The following CUL4A variants were observed in gnomAD, a reference collection of about 807,000 sequenced individuals.
CUL4A encodes cullin 4A, also known as cullin-4A.
Under a neutral mutation model 95.5 loss-of-function variants are expected in CUL4A, and 16 were observed. That is an observed-to-expected ratio of 0.17 (90% confidence interval 0.11 to 0.25). The LOEUF (loss-of-function observed/expected upper bound fraction) is 0.25, where lower values mean the gene tolerates loss of function less well. CUL4A is among the 10% of genes least tolerant of loss of function. The pLI is 1.00. For synonymous variants in CUL4A, 380 were observed against 353.1 expected (o/e 1.08, Z -0.85); for missense variants, 610 against 937.0 (o/e 0.65, Z 4.56).
chr13:113,244,586 T>C, intron 12 of CUL4A, 72 bp downstream of exon 12: 1 of 1,085,134 alleles, frequency 9.2e-7, no homozygotes, highest in South Asian at 1.4e-5. Flanking sequence ...CCAGAGGAGG[T>C]TTAGCATGAG....
At chr13:113,248,601 G>A (rs761920194) in intron 15 of CUL4A, among the ~76,000 whole-genome samples, 1 of 152,068 alleles carries the variant, frequency 6.6e-6, no homozygotes, top group African/African-American at 2.4e-5. Context: ...GTAACATCCA[G>A]TGCAGTTGTT....
In CUL4A at chr13:113,232,186, GCTGCCACCACTACCCGC is replaced by G. The variant is rs2041361398; in HGVS notation, c.513-989_513-973del. Among the ~76,000 whole-genome samples, 3 of 6,674 alleles carry G rather than the reference GCTGCCACCACTACCCGC, an allele frequency of 4.5e-4. 1 individual carries two copies. The highest frequency in any genetic ancestry group is 3.6e-3 in the East Asian group (1 of 278). The allele number at this position is 6,674 out of a possible 152,430, so 4.4% of individuals were successfully genotyped here. ...CCACTACCCGCCCACCACCATTACT[GCTGCCACCACTACCCGC>G]CCACCACCATTACTGCTGCCACCAC... On this transcript the variant is annotated intron_variant, in intron 5 of 19. Coordinates refer to ENST00000375440, the MANE Select transcript of CUL4A (RefSeq NM_001008895.4).
rs2041824833 is a variant in CUL4A, at chr13:113,245,199, A to C, written c.1492A>C (p.Met498Leu). Residue 498 changes from methionine to leucine, a missense_variant, in exon 14 of 20, where the codon ATG becomes CTG. By Grantham distance (15) the Met-to-Leu change is conservative (BLOSUM62 2). This residue lies in a region of CUL4A where 44 missense variants were observed against 75.6 expected (regional missense o/e 0.58). Coordinates refer to ENST00000375440, the MANE Select transcript of CUL4A (RefSeq NM_001008895.4). The part of the protein sequence containing the change: ...TSKLEGMFKD[M>L]ELSKDIMVHF... ...CAAGCTGGAAGGCATGTTCAAGGAC[A>C]TGGAGCTTTCGAAGGACATCATGGT... 1 of 1,614,196 alleles carries C rather than the reference A, an allele frequency of 6.2e-7. No homozygotes were observed. Among genetic ancestry groups the C allele is most frequent in the Non-Finnish European group, 8.5e-7 (1 of 1,180,044 alleles).
intron 14 of CUL4A, among the ~76,000 whole-genome samples, chr13:113,245,588 G>A (rs1164912461): frequency 6.6e-6 from 1 of 152,178 alleles, no homozygotes; most frequent in African/African-American, 2.4e-5. Flanking sequence ...GACAGAGATA[G>A]CAGTACCTTG....
rs186767393 is a variant in CUL4A, at chr13:113,245,304, G to A, written c.1530+67G>A. The stretch of plus-strand genomic sequence containing the variant: ...TCTGTTAGTGTGGTGGCTCATGCCT[G>A]TAATCCCAGCACTTTGGGAGGCAGA... On this transcript the variant is annotated intron_variant, in intron 14 of 19. Coordinates refer to ENST00000375440, the MANE Select transcript of CUL4A (RefSeq NM_001008895.4). 2.1e-5 allele frequency: 29 copies of A among 1,386,662 alleles called. No homozygotes were observed. In the African/African-American group the frequency reaches 3.3e-4, roughly 16 times the overall value. 85.9% of individuals were successfully genotyped at this position (1,386,662 alleles called of 1,614,324 possible).
At chr13:113,251,908 C>T (rs1396731774) in intron 15 of CUL4A, among the ~76,000 whole-genome samples, 2 of 152,106 alleles carry the variant, frequency 1.3e-5, no homozygotes, top group African/African-American at 4.8e-5. Context: ...GTGGAGTGGA[C>T]GAGAGCAGGG....
chr13:113,254,872 A>G (rs1306777711), intron 17 of CUL4A, 74 bp downstream of exon 17: 8 of 1,592,046 alleles, frequency 5.0e-6, no homozygotes, highest in Non-Finnish European at 6.9e-6. Context: ...TAAGACATAG[A>G]CTTGGTAGCA....
chr13:113,224,268 G>T (rs931912864), intron 3 of CUL4A, among the ~76,000 whole-genome samples: 1 of 151,990 alleles, frequency 6.6e-6, no homozygotes, highest in African/African-American at 2.4e-5. Context: ...CAGGAGAATG[G>T]CATGAACCCG....
chr13:113,257,364 G>C (rs187085268), intron 18 of CUL4A, among the ~76,000 whole-genome samples: 88 of 152,068 alleles, frequency 5.8e-4, no homozygotes, highest in African/African-American at 2.1e-3. Context: ...GGCCATTCTT[G>C]TATTACTATA....
At chr13:113,210,148 G>T in intron 2 of CUL4A, 60 bp downstream of exon 2, 1 of 1,207,372 alleles carries the variant, frequency 8.3e-7, no homozygotes, top group Non-Finnish European at 1.1e-6. Flanking sequence ...AGACGCGGCC[G>T]GGCGGCCGCT....
At chr13:113,223,510 G>A (rs2040981339) in intron 3 of CUL4A, among the ~76,000 whole-genome samples, 3 of 152,178 alleles carry the variant, frequency 2.0e-5, no homozygotes, top group Non-Finnish European at 4.4e-5. Context: ...CGATTCTCTT[G>A]TCTCAGCCTC....
intron 18 of CUL4A, among the ~76,000 whole-genome samples, chr13:113,257,794 G>A (rs2042167679): frequency 6.6e-6 from 1 of 152,090 alleles, no homozygotes; most frequent in African/African-American, 2.4e-5. Flanking sequence ...TATTTTTCTA[G>A]AAGTTTTTAC....
At chr13:113,257,510 G>A (rs532040165) in intron 18 of CUL4A, among the ~76,000 whole-genome samples, 52 of 152,294 alleles carry the variant, frequency 3.4e-4, no homozygotes, top group Non-Finnish European at 6.5e-4. Context: ...CAGTCATGGT[G>A]GAAGGTGCAA....
intron 2 of CUL4A, among the ~76,000 whole-genome samples, chr13:113,218,024 G>A (rs2040756690): frequency 6.6e-6 from 1 of 152,216 alleles, no homozygotes; most frequent in African/African-American, 2.4e-5. Flanking sequence ...ATCACCTGAG[G>A]TCAGGCGTTT....
In CUL4A at chr13:113,263,584, G is replaced by C. The variant is rs527575602; in HGVS notation, c.*2G>C. On this transcript the variant is annotated 3_prime_UTR_variant, in exon 20 of 20. Coordinates refer to ENST00000375440, the MANE Select transcript of CUL4A (RefSeq NM_001008895.4). ...AATCAGTACCACTACGTGGCCTGAC[G>C]CATCTGCAGACGGTTCCCCTTCATG... The C allele has an allele frequency of 7.0e-6, 11 of 1,568,384 alleles. No individual in the cohort carries two copies. In the South Asian group the frequency reaches 1.3e-4, roughly 18 times the overall value.
In CUL4A at chr13:113,263,607, A is replaced by G. The variant is rs767427276; in HGVS notation, c.*25A>G. On this transcript the variant is annotated 3_prime_UTR_variant, in exon 20 of 20. Transcript: ENST00000375440. ...ACGCATCTGCAGACGGTTCCCCTTC[A>G]TGAAACACTAGAATGTACCCTCAGA... is the stretch of plus-strand genomic sequence containing the variant. The G allele has an allele frequency of 2.1e-6, 3 of 1,413,848 alleles. No individual in the cohort carries two copies. Among genetic ancestry groups the G allele is most frequent in the Non-Finnish European group, 3.0e-6 (3 of 1,015,700 alleles). The allele number at this position is 1,413,848 out of a possible 1,614,324, so 87.6% of individuals were successfully genotyped here. A position where few individuals can be genotyped will look rare whatever the true frequency, so the allele number is the denominator to read the frequency against.
intron 10 of CUL4A, among the ~76,000 whole-genome samples, chr13:113,241,293 CT>C (rs1479525417): frequency 6.6e-6 from 1 of 152,148 alleles, no homozygotes; most frequent in African/African-American, 2.4e-5. Flanking sequence ...ACCATCACCC[CT>C]GAGTGTCAGC....
At chr13:113,217,350 G>A (rs1205389343) in intron 2 of CUL4A, among the ~76,000 whole-genome samples, 3 of 152,160 alleles carry the variant, frequency 2.0e-5, no homozygotes, top group Non-Finnish European at 4.4e-5. Context: ...TTTGAGAAAG[G>A]AGTTAAAGTA....
intron 2 of CUL4A, among the ~76,000 whole-genome samples, chr13:113,212,380 T>C (rs912552900): frequency 9.9e-5 from 15 of 152,244 alleles, no homozygotes; most frequent in African/African-American, 3.6e-4. Flanking sequence ...TAATCTGAGG[T>C]CACAAAGTTT....
Sources: allele counts gnomAD v4.1 joint callset (sites outside exome capture counted in the v4.1 genomes callset), GRCh38; gene constraint gnomAD v4.1.1; regional missense constraint gnomAD v4.1.1; transcripts MANE v1.5; gene names NCBI Gene and HGNC (gene_info 2026-07-23, HGNC 2026-07-21).